RBPMS: variants seen among roughly 807,000 people sequenced by gnomAD.
RBPMS encodes RNA binding protein, mRNA processing factor, also known as RNA-binding protein with multiple splicing.
A neutral mutation model predicts 26.8 loss-of-function variants in RBPMS; 7 were observed. The ratio of observed to expected loss-of-function variants is 0.26; its 90% confidence interval spans 0.15 to 0.49. The LOEUF is 0.49. Among genes scored for constraint, RBPMS ranks in the 20% least tolerant of loss-of-function variants. The pLI is 0.98. For synonymous variants in RBPMS, 96 were observed against 93.3 expected, an observed-to-expected ratio of 1.03 and a Z score of -0.17; for missense variants, 186 against 250.0, an observed-to-expected ratio of 0.74 and a Z score of 1.73.
chr8:30,385,231 G>C (rs7813046), intron 1 of RBPMS, 73 bp downstream of exon 1: 282,229 of 1,107,720 alleles, frequency 0.25, 37,336 homozygotes, highest in Non-Finnish European at 0.27. Flanking sequence ...GCGCGGGCCC[G>C]GGGCGCGGCG....
chr8:30,543,552 G>C (rs1585827900), intron 5 of RBPMS, among the ~76,000 whole-genome samples: 1 of 152,336 alleles, frequency 6.6e-6, no homozygotes, highest in East Asian at 1.9e-4. Context: ...CTTGATTTCA[G>C]ATTTTGACAG....
At chr8:30,456,682 TG>T (rs1174775051) in intron 1 of RBPMS, among the ~76,000 whole-genome samples, 1 of 152,126 alleles carries the variant, frequency 6.6e-6, no homozygotes, top group Non-Finnish European at 1.5e-5. Context: ...TGAGAACCTT[TG>T]GGTCACGTGT....
chr8:30,419,466 G>GTGTGTGTGTT (rs1273429756), intron 1 of RBPMS, among the ~76,000 whole-genome samples: 20 of 151,754 alleles, frequency 1.3e-4, no homozygotes, highest in Admixed American at 5.9e-4. Flanking sequence ...GTGTGTGTGT[G>GTGTGTGTGTT]TGTGTGTGTG....
chr8:30,533,506 T>A (rs1025017802), intron 5 of RBPMS, among the ~76,000 whole-genome samples: 1 of 152,212 alleles, frequency 6.6e-6, no homozygotes, highest in Non-Finnish European at 1.5e-5. Flanking sequence ...TCTGGGTCCA[T>A]GGGTGGCTTT....
Position 30,497,780 on chromosome 8 carries a change from G to A in RBPMS, c.247-6506G>A, listed in dbSNP as rs202201500. ...TGGGACTACAGGCGCCCGCCACCACGCCTGGCTAATTTTTTGTATTTTTAG... is the reference window on the plus strand; with the variant it reads ...TGGGACTACAGGCGCCCGCCACCACACCTGGCTAATTTTTTGTATTTTTAG... On this transcript the variant is annotated intron_variant, in intron 4 of 8. Coordinates refer to ENST00000397323, the MANE Select transcript of RBPMS (RefSeq NM_001008710.3). 7.6e-4 allele frequency among the ~76,000 whole-genome samples: 115 copies of A among 151,784 alleles called. No individual in the cohort carries two copies. The East Asian group carries it at 0.016, about 21-fold the overall frequency.
intron 6 of RBPMS, chr8:30,556,440 T>C (rs942576226): frequency 6.1e-6 from 6 of 985,718 alleles, no homozygotes; most frequent in Non-Finnish European, 7.2e-6. Flanking sequence ...GGCTTCCTTC[T>C]CGCAGTCACC....
intron 4 of RBPMS, among the ~76,000 whole-genome samples, chr8:30,494,651 AT>A (rs774156981): frequency 9.9e-5 from 15 of 152,242 alleles, no homozygotes; most frequent in Non-Finnish European, 1.8e-4. Flanking sequence ...GTTCCACAAA[AT>A]TGATTGTGAT....
intron 6 of RBPMS, among the ~76,000 whole-genome samples, chr8:30,557,738 G>A (rs1205042047): frequency 1.3e-5 from 2 of 152,248 alleles, no homozygotes; most frequent in Non-Finnish European, 2.9e-5. Flanking sequence ...GTGGTCATGG[G>A]GAGACCATGC....
chr8:30,385,848 A>AGGTG (rs1807010046), intron 1 of RBPMS, among the ~76,000 whole-genome samples: 1 of 152,182 alleles, frequency 6.6e-6, no homozygotes, highest in Non-Finnish European at 1.5e-5. Flanking sequence ...CATGCATTTT[A>AGGTG]GGTGGTGCGT....
At chr8:30,501,686 T>A (rs1201754039) in intron 4 of RBPMS, among the ~76,000 whole-genome samples, 1 of 152,218 alleles carries the variant, frequency 6.6e-6, no homozygotes, top group African/African-American at 2.4e-5. Flanking sequence ...AAAGGTTCTC[T>A]GTTCATTGTG....
In RBPMS at chr8:30,571,924, C is replaced by T. The variant is rs1828268245; in HGVS notation, c.*1399C>T. On this transcript the variant is annotated 3_prime_UTR_variant, in exon 9 of 9. Coordinates refer to ENST00000397323, the MANE Select transcript of RBPMS (RefSeq NM_001008710.3). The stretch of plus-strand genomic sequence containing the variant: ...TTGAAAATTTCAATGTCATGATTAC[C>T]TGGTTGGTTTGGGTTTTTGTTTTGT... 1 of 152,214 alleles carries T rather than the reference C, an allele frequency of 6.6e-6. No individual in the cohort carries two copies. The allele number at this position is 152,214 out of a possible 1,614,324, so 9.4% of individuals were successfully genotyped here.
chr8:30,551,204 C>T (rs1317829948), intron 6 of RBPMS, among the ~76,000 whole-genome samples: 1 of 152,194 alleles, frequency 6.6e-6, no homozygotes, highest in Non-Finnish European at 1.5e-5. Context: ...AGCATTTTGT[C>T]CTTCACCCTC....
At chr8:30,528,243 G>T (rs1585772732) in intron 5 of RBPMS, among the ~76,000 whole-genome samples, 1 of 152,298 alleles carries the variant, frequency 6.6e-6, no homozygotes, top group South Asian at 2.1e-4. Flanking sequence ...GTGTGTGGGG[G>T]ATGTCACATT....
At chr8:30,386,157 C>A (rs1807049181) in intron 1 of RBPMS, among the ~76,000 whole-genome samples, 1 of 152,140 alleles carries the variant, frequency 6.6e-6, no homozygotes, top group Admixed American at 6.5e-5. Context: ...AAAAGATTCA[C>A]ACAGGTATTG....
intron 6 of RBPMS, among the ~76,000 whole-genome samples, chr8:30,553,965 A>T (rs1381115320): frequency 6.6e-6 from 1 of 152,034 alleles, no homozygotes; most frequent in African/African-American, 2.4e-5. Flanking sequence ...TTTAGTAGAG[A>T]TGGGGTTTCA....
intron 1 of RBPMS, among the ~76,000 whole-genome samples, chr8:30,454,049 A>G (rs2150754662): frequency 6.6e-6 from 1 of 152,310 alleles, no homozygotes; most frequent in South Asian, 2.1e-4. Flanking sequence ...ATACTGAATT[A>G]TGTGATCCTT....
chr8:30,418,039 CTT>C (rs1254809959), intron 1 of RBPMS, among the ~76,000 whole-genome samples: 2 of 152,024 alleles, frequency 1.3e-5, no homozygotes, highest in African/African-American at 4.8e-5. Context: ...GTTTAAAAAT[CTT>C]TTTTAACCAT....
intron 1 of RBPMS, among the ~76,000 whole-genome samples, chr8:30,415,180 C>G (rs1247610154): frequency 6.6e-6 from 1 of 152,096 alleles, no homozygotes; most frequent in East Asian, 1.9e-4. Flanking sequence ...ACCTAGGTGC[C>G]CAGCCCTTCC....
intron 1 of RBPMS, among the ~76,000 whole-genome samples, chr8:30,456,342 G>A (rs936236616): frequency 1.3e-5 from 2 of 152,170 alleles, no homozygotes; most frequent in African/African-American, 2.4e-5. Flanking sequence ...TGAGCCAGTT[G>A]TCTAAGCGCT....
Sources: gnomAD v4.1 joint callset for allele counts (sites outside exome capture counted in the v4.1 genomes callset) on GRCh38, gnomAD v4.1.1 for gene constraint, MANE v1.5 for transcripts, NCBI Gene and HGNC (gene_info 2026-07-23, HGNC 2026-07-21) for gene names.